CDH18: variants seen among roughly 807,000 people sequenced by gnomAD.
CDH18 encodes the protein cadherin 18, also known as cadherin-18.
Under a neutral mutation model 67.9 loss-of-function variants are expected in CDH18, and 31 were observed. The ratio of observed to expected loss-of-function variants is 0.46; its 90% CI spans 0.34 to 0.62. The LOEUF is 0.62. Among genes scored for constraint, CDH18 ranks in the 20% least tolerant of loss-of-function variants. The pLI is 0.01. For synonymous variants in CDH18, 362 were observed against 347.2 expected, an observed-to-expected ratio of 1.04 and a Z score of -0.48; for missense variants, 890 against 975.5, an observed-to-expected ratio of 0.91 and a Z score of 1.17.
chr5:20,332,731 C>T (rs1301161711), intron 1 of CDH18, among the ~76,000 whole-genome samples: 1 of 152,030 alleles, frequency 6.6e-6, no homozygotes, highest in Admixed American at 6.6e-5. Context: ...TGAACTATAC[C>T]TACATTTCAT....
intron 1 of CDH18, among the ~76,000 whole-genome samples, chr5:20,402,833 G>A (rs921421679): frequency 4.6e-5 from 7 of 150,888 alleles, no homozygotes; most frequent in African/African-American, 9.7e-5. Context: ...GCTTGAACCC[G>A]TGAGGCGGAG....
At chr5:20,470,929 G>A (rs1023626437) in intron 1 of CDH18, among the ~76,000 whole-genome samples, 2 of 152,136 alleles carry the variant, frequency 1.3e-5, no homozygotes, top group East Asian at 1.9e-4. Flanking sequence ...CTACGAGATC[G>A]TTCCTATCAT....
chr5:20,222,552 T>C (rs1487785319), intron 2 of CDH18, among the ~76,000 whole-genome samples: 1 of 151,940 alleles, frequency 6.6e-6, no homozygotes, highest in Non-Finnish European at 1.5e-5. Flanking sequence ...TTTTTTTCTT[T>C]AGCTGGAACA....
chr5:19,849,139 T>C (rs1209847756), intron 2 of CDH18, among the ~76,000 whole-genome samples: 1 of 152,084 alleles, frequency 6.6e-6, no homozygotes. Flanking sequence ...TTGCTATTCA[T>C]AATGGATTTG....
At chr5:20,181,083 T>C (rs1050560859) in intron 2 of CDH18, among the ~76,000 whole-genome samples, 7 of 152,244 alleles carry the variant, frequency 4.6e-5, no homozygotes, top group African/African-American at 1.7e-4. Context: ...TTCCACAAGG[T>C]GCACACTTCC....
intron 2 of CDH18, among the ~76,000 whole-genome samples, chr5:20,247,551 G>A (rs1016322845): frequency 6.6e-6 from 1 of 152,026 alleles, no homozygotes; most frequent in Admixed American, 6.6e-5. Context: ...GGATAACGAG[G>A]TCAAGAGATC....
chr5:20,284,578 A>T (rs1045736649), intron 1 of CDH18, among the ~76,000 whole-genome samples: 2 of 151,934 alleles, frequency 1.3e-5, no homozygotes, highest in African/African-American at 4.8e-5. Context: ...TATGTCAGTC[A>T]ATTCACTAAA....
intron 1 of CDH18, among the ~76,000 whole-genome samples, chr5:20,288,443 C>T (rs4866179): frequency 0.35 from 51,244 of 146,868 alleles, 8,820 homozygotes; most frequent in South Asian, 0.39. Context: ...TCAAAAAATA[C>T]GATATATATA....
intron 1 of CDH18, among the ~76,000 whole-genome samples, chr5:20,382,839 G>C (rs1323769228): frequency 6.6e-6 from 1 of 152,028 alleles, no homozygotes; most frequent in Non-Finnish European, 1.5e-5. Flanking sequence ...AGTGTGGACT[G>C]TTTTTTTCTC....
chr5:20,529,458 A>C (rs1440029179), intron 1 of CDH18, among the ~76,000 whole-genome samples: 5 of 152,086 alleles, frequency 3.3e-5, no homozygotes, highest in East Asian at 1.9e-4. Context: ...TTAGGCCAAT[A>C]TCCCTGATGA....
intron 2 of CDH18, among the ~76,000 whole-genome samples, chr5:19,954,852 G>GA (rs201885867): frequency 0.17 from 24,495 of 144,278 alleles, 5,221 homozygotes; most frequent in African/African-American, 0.5. Context: ...ACAATCTCAG[G>GA]AAAAAAAAAA....
At chr5:20,034,991 T>C (rs145121111) in intron 2 of CDH18, among the ~76,000 whole-genome samples, 1,831 of 152,208 alleles carry the variant, frequency 0.012, 15 homozygotes, top group Middle Eastern at 0.051. Flanking sequence ...GTAAGTGCAC[T>C]GGTTGCTTTC....
At position 20,068,580 on chromosome 5, in the gene CDH18, A is replaced by C. The variant is rs1053819160; in HGVS notation, c.-517-76566T>G. ...TTCTGAGAAATGATACTTGGTTGTT[A>C]TCTCTACAAGTTTTATAACTTTATG... On this transcript the variant is annotated intron_variant, in intron 2 of 14. Transcript: ENST00000507958. Among the ~76,000 whole-genome samples, 6 of 152,240 alleles carry C rather than the reference A, an allele frequency of 3.9e-5. No homozygotes were observed. In the East Asian group the frequency reaches 5.8e-4, roughly 15 times the overall value.
chr5:20,242,223 G>T (rs573236451), intron 2 of CDH18, among the ~76,000 whole-genome samples: 101 of 152,088 alleles, frequency 6.6e-4, no homozygotes, highest in Non-Finnish European at 1.1e-3. Context: ...TGTTTACAAT[G>T]TGGAATGGTT....
chr5:20,553,472 A>G (rs1757747729), intron 1 of CDH18, among the ~76,000 whole-genome samples: 1 of 152,164 alleles, frequency 6.6e-6, no homozygotes, highest in African/African-American at 2.4e-5. Context: ...GCTAACATTT[A>G]TTGGGCTAAT....
chr5:19,521,000 T>C, intron 9 of CDH18, among the ~76,000 whole-genome samples: 1 of 152,160 alleles, frequency 6.6e-6, no homozygotes, highest in East Asian at 1.9e-4. Context: ...AAAATGATAT[T>C]TTGTCATATC....
intron 2 of CDH18, among the ~76,000 whole-genome samples, chr5:19,963,671 T>G (rs1457973447): frequency 6.6e-6 from 1 of 152,112 alleles, no homozygotes; most frequent in Non-Finnish European, 1.5e-5. Flanking sequence ...CCAGCCATGC[T>G]GAACTGTGAG....
chr5:20,252,817 G>C (rs1743957883), intron 2 of CDH18, among the ~76,000 whole-genome samples: 1 of 151,748 alleles, frequency 6.6e-6, no homozygotes. Context: ...GGCGCCTGTA[G>C]TCCCAACTAC....
intron 2 of CDH18, among the ~76,000 whole-genome samples, chr5:19,965,170 TCTCA>T (rs1357229622): frequency 3.3e-5 from 5 of 152,144 alleles, no homozygotes; most frequent in Non-Finnish European, 7.4e-5. Flanking sequence ...AATAGATCTA[TCTCA>T]CTCTATGAAG....
Sources: gnomAD v4.1 joint callset for allele counts (sites outside exome capture counted in the v4.1 genomes callset) on GRCh38, gnomAD v4.1.1 for gene constraint, MANE v1.5 for transcripts, NCBI Gene and HGNC (gene_info 2026-07-23, HGNC 2026-07-21) for gene names.